DPP10: variants seen among roughly 807,000 people sequenced by gnomAD.
The protein encoded by DPP10 is inactive dipeptidyl peptidase 10.
Under a neutral mutation model 120.9 loss-of-function variants are expected in DPP10, and 33 were observed. The observed-to-expected ratio is 0.27, with a 90% CI of 0.21 to 0.37. The LOEUF (loss-of-function observed/expected upper bound fraction) is 0.37. DPP10 is among the 10% of genes least tolerant of loss of function. The probability of loss-of-function intolerance (pLI) is 1.00; values close to 1 mark genes in which losing one functional copy is unlikely to be tolerated. For missense variants in DPP10, 816 were observed against 942.8 expected (o/e 0.87, Z 1.76); for synonymous variants, 337 against 326.1 (o/e 1.03, Z -0.36).
rs557250551 is a variant in DPP10 at position 115,049,941 on chromosome 2, T to A, written c.61-259298T>A. Among the ~76,000 whole-genome samples, 50 of 152,274 alleles carry A rather than the reference T, an allele frequency of 3.3e-4. 1 individual carries two copies. Among genetic ancestry groups the A allele is most frequent in the Admixed American group, 1.7e-3 (26 of 15,286 alleles). On this transcript the variant is annotated intron_variant, in intron 1 of 25. Transcript: ENST00000410059. ...CAGTCATAAGATAACTGAAAATAAA[T>A]GAAGATTGGCTCACCTATCAGGTTA...
At chr2:115,265,566 A>G (rs1315740339) in intron 1 of DPP10, among the ~76,000 whole-genome samples, 1 of 152,120 alleles carries the variant, frequency 6.6e-6, no homozygotes, top group Non-Finnish European at 1.5e-5. Flanking sequence ...TACTACAGGT[A>G]TACATTATGA....
intron 1 of DPP10, among the ~76,000 whole-genome samples, chr2:114,462,426 A>C (rs576152728): frequency 6.6e-6 from 1 of 152,316 alleles, no homozygotes; most frequent in South Asian, 2.1e-4. Flanking sequence ...CTGAACTGTG[A>C]CAATTTTTCA....
intron 1 of DPP10, among the ~76,000 whole-genome samples, chr2:114,497,091 GTACATGTGTACATGTACGTA>G (rs895542350): frequency 1.4e-5 from 2 of 147,640 alleles, no homozygotes; most frequent in Non-Finnish European, 3.0e-5. Flanking sequence ...ACATGTACAT[GTACATGTGTACATGTACGTA>G]TACATGCACA....
chr2:114,674,906 T>C (rs1698575080), intron 1 of DPP10, among the ~76,000 whole-genome samples: 1 of 152,204 alleles, frequency 6.6e-6, no homozygotes, highest in Admixed American at 6.5e-5. Context: ...TAAGACTATA[T>C]ATGATTATCA....
chr2:115,267,489 G>C (rs936077925), intron 1 of DPP10, among the ~76,000 whole-genome samples: 8 of 152,040 alleles, frequency 5.3e-5, no homozygotes, highest in South Asian at 4.1e-4. Flanking sequence ...TATTTTTCAG[G>C]CATGTAAAGA....
intron 1 of DPP10, among the ~76,000 whole-genome samples, chr2:115,023,881 C>G (rs1351960403): frequency 6.6e-6 from 1 of 152,044 alleles, no homozygotes; most frequent in Non-Finnish European, 1.5e-5. Context: ...GAATTGGAGA[C>G]TATTTTTTAA....
intron 1 of DPP10, among the ~76,000 whole-genome samples, chr2:114,906,059 A>T (rs997059015): frequency 3.9e-5 from 6 of 151,996 alleles, no homozygotes; most frequent in Non-Finnish European, 7.4e-5. Context: ...TCCTGGTTAG[A>T]TTGTTTAGTA....
intron 3 of DPP10, among the ~76,000 whole-genome samples, chr2:115,347,799 A>G (rs994234497): frequency 1.3e-5 from 2 of 152,154 alleles, no homozygotes; most frequent in African/African-American, 4.8e-5. Context: ...ATGTCCCTGC[A>G]AAGGACATGA....
intron 5 of DPP10, among the ~76,000 whole-genome samples, chr2:115,646,066 G>A (rs917132750): frequency 2.0e-5 from 3 of 151,354 alleles, no homozygotes; most frequent in African/African-American, 7.3e-5. Context: ...ACACACACAC[G>A]CACATGCACA....
chr2:114,755,594 A>G (rs2106069944), intron 1 of DPP10, among the ~76,000 whole-genome samples: 1 of 152,314 alleles, frequency 6.6e-6, no homozygotes, highest in Middle Eastern at 3.4e-3. Context: ...GGATATAGCA[A>G]TTGAGGAAAA....
At chr2:115,590,435 G>A (rs1009530414) in intron 5 of DPP10, among the ~76,000 whole-genome samples, 1 of 152,004 alleles carries the variant, frequency 6.6e-6, no homozygotes, top group Middle Eastern at 3.2e-3. Context: ...TTCTGTCCTT[G>A]CGATAGTTTG....
chr2:114,707,401 T>C (rs1317695277), intron 1 of DPP10, among the ~76,000 whole-genome samples: 7 of 152,232 alleles, frequency 4.6e-5, no homozygotes, highest in Non-Finnish European at 7.3e-5. Flanking sequence ...AATATTTGTA[T>C]TATGAATTTA....
At chr2:115,360,644 C>T (rs1283458002) in intron 3 of DPP10, among the ~76,000 whole-genome samples, 1 of 152,124 alleles carries the variant, frequency 6.6e-6, no homozygotes, top group African/African-American at 2.4e-5. Context: ...GGGGGAGCTC[C>T]CTGTAGTCTC....
intron 3 of DPP10, among the ~76,000 whole-genome samples, chr2:115,498,744 T>A (rs1041663957): frequency 1.9e-4 from 29 of 149,824 alleles, no homozygotes; most frequent in African/African-American, 7.1e-4. Context: ...ATCTCCAGAG[T>A]ATCCTTATAT....
intron 10 of DPP10, among the ~76,000 whole-genome samples, chr2:115,748,058 TTAA>T (rs1261303857): frequency 2.0e-5 from 3 of 152,144 alleles, no homozygotes; most frequent in Non-Finnish European, 4.4e-5. Flanking sequence ...AATTGAATTA[TTAA>T]TAACATACTT....
intron 3 of DPP10, among the ~76,000 whole-genome samples, chr2:115,383,988 C>G (rs188454437): frequency 8.5e-5 from 13 of 152,234 alleles, no homozygotes; most frequent in African/African-American, 2.9e-4. Context: ...AATAGACAAA[C>G]CTAATTAGAA....
At chr2:115,162,181 G>A in intron 1 of DPP10, 2 of 1,547,786 alleles carry the variant, frequency 1.3e-6, no homozygotes, top group African/African-American at 1.4e-5. Context: ...GCTTCTCCAC[G>A]GACTCTGCGG....
intron 1 of DPP10, among the ~76,000 whole-genome samples, chr2:115,177,110 G>C (rs951908025): frequency 2.0e-5 from 3 of 152,128 alleles, no homozygotes; most frequent in African/African-American, 7.2e-5. Flanking sequence ...CCATGAAGCT[G>C]ACTTTTTAAT....
intron 1 of DPP10, among the ~76,000 whole-genome samples, chr2:114,786,806 A>G (rs1452155698): frequency 6.6e-6 from 1 of 152,160 alleles, no homozygotes; most frequent in Non-Finnish European, 1.5e-5. Flanking sequence ...CAAAAAAGCC[A>G]CCTGGGCCAG....
Sources: allele counts gnomAD v4.1 joint callset (sites outside exome capture counted in the v4.1 genomes callset), GRCh38; gene constraint gnomAD v4.1.1; transcripts MANE v1.5; gene names NCBI Gene and HGNC (gene_info 2026-07-23, HGNC 2026-07-21).